The following UNC13C variants were observed in gnomAD, a reference collection of about 807,000 sequenced individuals.
UNC13C encodes the protein unc-13 homolog C.
A neutral mutation model predicts 245.4 loss-of-function variants in UNC13C; 174 were observed. The ratio of observed to expected loss-of-function variants is 0.71; its 90% CI spans 0.63 to 0.80. The LOEUF (loss-of-function observed/expected upper bound fraction) is 0.80, where lower values mean the gene tolerates loss of function less well. UNC13C is among the 30% of genes least tolerant of loss of function. UNC13C has a pLI of 0.00. For missense variants in UNC13C, 2,829 were observed against 2,602.9 expected (o/e 1.09, Z -1.89); for synonymous variants, 992 against 895.1 (o/e 1.11, Z -1.93).
chr15:54,351,506 T>C (rs1343397915), intron 17 of UNC13C, among the ~76,000 whole-genome samples: 2 of 152,168 alleles, frequency 1.3e-5, no homozygotes, highest in Admixed American at 6.5e-5. Context: ...GCGCTCCTCT[T>C]CCCCAGCTTC....
chr15:54,592,643 A>T (rs1898856923), intron 30 of UNC13C, among the ~76,000 whole-genome samples: 2 of 152,100 alleles, frequency 1.3e-5, no homozygotes, highest in East Asian at 3.9e-4. Flanking sequence ...GTCTTTTTGC[A>T]TGAAATGCCT....
rs79485682 is a variant in UNC13C, at chr15:54,043,794, G to T, written c.2983+27908G>T. ...CATATGACTTCATTTACATACTCTT[G>T]GGTCCTGGTTTGATAGATGGCTCTA... is the stretch of plus-strand genomic sequence containing the variant. On this transcript the variant is annotated intron_variant, in intron 2 of 32. Transcript: ENST00000260323. Among the ~76,000 whole-genome samples, 1,435 of 152,140 alleles carry T rather than the reference G, an allele frequency of 9.4e-3. 5 individuals are homozygous for T. Among genetic ancestry groups the T allele is most frequent in the Middle Eastern group, 0.034 (10 of 294 alleles).
At chr15:54,612,499 G>A (rs1900168125) in intron 30 of UNC13C, among the ~76,000 whole-genome samples, 1 of 151,896 alleles carries the variant, frequency 6.6e-6, no homozygotes, top group Non-Finnish European at 1.5e-5. Context: ...TTTTAAGTTT[G>A]TGATTTGATT....
At chr15:54,282,197 C>G (rs2037014982) in intron 10 of UNC13C, among the ~76,000 whole-genome samples, 1 of 152,050 alleles carries the variant, frequency 6.6e-6, no homozygotes, top group Non-Finnish European at 1.5e-5. Flanking sequence ...AAAAATTTTG[C>G]TATCTCTAGT....
At chr15:54,279,280 T>C (rs1299688317) in intron 10 of UNC13C, among the ~76,000 whole-genome samples, 1 of 152,174 alleles carries the variant, frequency 6.6e-6, no homozygotes, top group Non-Finnish European at 1.5e-5. Flanking sequence ...CTTAAGAACA[T>C]TTGCTCCGTT....
intron 4 of UNC13C, among the ~76,000 whole-genome samples, chr15:54,214,028 A>G (rs561981859): frequency 2.3e-4 from 35 of 152,014 alleles, no homozygotes; most frequent in Non-Finnish European, 4.4e-4. Flanking sequence ...ACAAATTATT[A>G]TATCTTATCC....
intron 1 of UNC13C, among the ~76,000 whole-genome samples, chr15:53,986,297 C>G (rs1028506360): frequency 6.6e-6 from 1 of 152,026 alleles, no homozygotes; most frequent in Non-Finnish European, 1.5e-5. Context: ...GTGGGGTCAA[C>G]TCTAGAATCT....
At chr15:54,404,594 T>C (rs1030094237) in intron 18 of UNC13C, among the ~76,000 whole-genome samples, 4 of 152,090 alleles carry the variant, frequency 2.6e-5, no homozygotes, top group African/African-American at 7.2e-5. Context: ...AGAATTTAAT[T>C]TGTGCACAAG....
intron 29 of UNC13C, among the ~76,000 whole-genome samples, chr15:54,567,502 C>G (rs1471837506): frequency 6.6e-6 from 1 of 152,136 alleles, no homozygotes; most frequent in African/African-American, 2.4e-5. Context: ...ACCTGTCATT[C>G]TATAAGGATT....
At chr15:53,971,389 G>C in the UNC13C span, among the ~76,000 whole-genome samples, 1 of 152,090 alleles carries the variant, frequency 6.6e-6, no homozygotes, top group African/African-American at 2.4e-5. Flanking sequence ...CTTTCTCAGT[G>C]ATTTGTTAAA....
chr15:54,444,692 G>T (rs1890710180), intron 19 of UNC13C, among the ~76,000 whole-genome samples: 1 of 151,314 alleles, frequency 6.6e-6, no homozygotes, highest in Non-Finnish European at 1.5e-5. Flanking sequence ...TAATTTTTTT[G>T]TGTGTGCTCT....
intron 19 of UNC13C, among the ~76,000 whole-genome samples, chr15:54,448,752 T>C (rs1890980908): frequency 1.3e-5 from 2 of 152,244 alleles, no homozygotes; most frequent in Admixed American, 6.5e-5. Flanking sequence ...TGTCTTTTAA[T>C]TGGAGCATTT....
the UNC13C span, among the ~76,000 whole-genome samples, chr15:53,869,685 C>T: frequency 6.6e-6 from 1 of 152,206 alleles, no homozygotes; most frequent in Non-Finnish European, 1.5e-5. Flanking sequence ...GTCTGAGCCC[C>T]TCACAGATAC....
At chr15:54,373,038 G>A (rs910334627) in intron 17 of UNC13C, among the ~76,000 whole-genome samples, 3 of 152,176 alleles carry the variant, frequency 2.0e-5, no homozygotes, top group African/African-American at 2.4e-5. Flanking sequence ...CTCTGGGCAC[G>A]TCTAGAACTG....
intron 19 of UNC13C, among the ~76,000 whole-genome samples, chr15:54,441,376 C>T (rs1023694699): frequency 2.0e-5 from 3 of 152,032 alleles, no homozygotes; most frequent in Non-Finnish European, 4.4e-5. Context: ...CAGTTTCGTT[C>T]TTCTACATAT....
At chr15:53,980,273 T>A (rs192431384) in intron 1 of UNC13C, among the ~76,000 whole-genome samples, 12 of 152,324 alleles carry the variant, frequency 7.9e-5, no homozygotes, top group African/African-American at 2.6e-4. Context: ...ATTCCACGCA[T>A]GACTATAACA....
chr15:54,381,315 C>CT (rs1296051624), intron 17 of UNC13C, among the ~76,000 whole-genome samples: 1 of 152,010 alleles, frequency 6.6e-6, no homozygotes, highest in East Asian at 1.9e-4. Context: ...TGTGTGTCTG[C>CT]TTTTATATTA....
intron 19 of UNC13C, among the ~76,000 whole-genome samples, chr15:54,443,302 T>G (rs756429105): frequency 3.3e-5 from 5 of 152,112 alleles, no homozygotes; most frequent in Non-Finnish European, 1.5e-5. Flanking sequence ...ATCTTTTTCT[T>G]TTATTCTTGG....
chr15:54,002,730 A>C (rs1378247106), intron 1 of UNC13C, among the ~76,000 whole-genome samples: 1 of 152,222 alleles, frequency 6.6e-6, no homozygotes, highest in African/African-American at 2.4e-5. Context: ...AATCTCTTTT[A>C]ATCTCAAACA....
Sources: allele counts gnomAD v4.1 joint callset (sites outside exome capture counted in the v4.1 genomes callset), GRCh38; gene constraint gnomAD v4.1.1; transcripts MANE v1.5; gene names NCBI Gene and HGNC (gene_info 2026-07-23, HGNC 2026-07-21).